The following CNTN1 variants were observed in gnomAD, a reference collection of about 807,000 sequenced individuals.
CNTN1 encodes the protein contactin 1.
CNTN1 carries 38 observed loss-of-function variants against 126.4 expected under a neutral mutation model. The ratio of observed to expected loss-of-function variants is 0.30; its 90% confidence interval spans 0.23 to 0.39. CNTN1 has a LOEUF of 0.39. Ranked by LOEUF, CNTN1 falls within the 10% of genes least tolerant of loss-of-function variation. The probability of loss-of-function intolerance (pLI) is 1.00; values close to 1 mark genes in which losing one functional copy is unlikely to be tolerated. For synonymous variants in CNTN1, 413 were observed against 422.6 expected (o/e 0.98, Z 0.28); for missense variants, 1,009 against 1,248.4 (o/e 0.81, Z 2.89).
chr12:40,961,125 A>G (rs916289963), intron 15 of CNTN1, among the ~76,000 whole-genome samples: 1 of 152,020 alleles, frequency 6.6e-6, no homozygotes, highest in African/African-American at 2.4e-5. Flanking sequence ...GCTATAGCCA[A>G]TATTATGTAG....
In CNTN1 at chr12:40,707,227, C is replaced by CTTTTTTTTTTTTTTTTTTTTTTTT. The variant is rs370984371; in HGVS notation, c.-77+14651_-77+14674dup. Among the ~76,000 whole-genome samples the CTTTTTTTTTTTTTTTTTTTTTTTT allele has an allele frequency of 4.9e-4, 54 of 109,176 alleles. 5 individuals carry two copies. The highest frequency in any genetic ancestry group is 9.6e-4 in the African/African-American group (25 of 26,096). The allele number at this position is 109,176 out of a possible 152,430, so 71.6% of individuals were successfully genotyped here. ...TTCCTCTTTCATTTCTTTTCTTTTT[C>CTTTTTTTTTTTTTTTTTTTTTTTT]TTTTTTTTTTTTTTTTTTTTTTTTT... is the stretch of plus-strand genomic sequence containing the variant. On this transcript the variant is annotated intron_variant, in intron 1 of 23. Coordinates refer to ENST00000551295, the MANE Select transcript of CNTN1 (RefSeq NM_001843.4).
chr12:40,904,480 G>A (rs1229973978), intron 1 of CNTN1, among the ~76,000 whole-genome samples: 1 of 148,350 alleles, frequency 6.7e-6, no homozygotes, highest in African/African-American at 2.5e-5. Context: ...CCAGGCTGGA[G>A]TACAGTGGCA....
At chr12:41,068,503 T>C (rs1039076774) in intron 23 of CNTN1, among the ~76,000 whole-genome samples, 2 of 152,052 alleles carry the variant, frequency 1.3e-5, no homozygotes, top group African/African-American at 2.4e-5. Flanking sequence ...TTCCCTCTTA[T>C]GTTTCCAGGC....
intron 23 of CNTN1, among the ~76,000 whole-genome samples, chr12:41,036,242 CT>C (rs1763256114): frequency 6.6e-6 from 1 of 152,104 alleles, no homozygotes; most frequent in African/African-American, 2.4e-5. Context: ...AATTCTTCCC[CT>C]TCTGCCTTTT....
chr12:40,881,761 C>T (rs987023847), intron 1 of CNTN1, among the ~76,000 whole-genome samples: 2 of 151,616 alleles, frequency 1.3e-5, no homozygotes, highest in African/African-American at 4.8e-5. Flanking sequence ...TTGGGTTTAC[C>T]GTTTTGTCTA....
chr12:40,731,004 C>G (rs1399964565), intron 1 of CNTN1, among the ~76,000 whole-genome samples: 1 of 151,372 alleles, frequency 6.6e-6, no homozygotes, highest in East Asian at 1.9e-4. Context: ...AATAAGTAAA[C>G]TAACAATTAA....
chr12:40,908,064 CAT>C (rs1364753636), intron 1 of CNTN1, among the ~76,000 whole-genome samples: 1 of 152,172 alleles, frequency 6.6e-6, no homozygotes, highest in Non-Finnish European at 1.5e-5. Context: ...AACCTAAACA[CAT>C]GATTGAGTGA....
intron 15 of CNTN1, among the ~76,000 whole-genome samples, chr12:40,962,995 A>T (rs965898391): frequency 6.6e-6 from 1 of 152,156 alleles, no homozygotes; most frequent in East Asian, 1.9e-4. Context: ...GAAGATGAAG[A>T]TAAATAAATA....
chr12:40,929,723 A>G, intron 6 of CNTN1, 73 bp from the exon 7 acceptor site: 1 of 1,106,532 alleles, frequency 9.0e-7, no homozygotes, highest in South Asian at 1.3e-5. Flanking sequence ...ATAGCTTGTT[A>G]CTAGCCTCTA....
chr12:40,809,814 T>TCA (rs3223354), intron 1 of CNTN1, among the ~76,000 whole-genome samples: 5,158 of 146,800 alleles, frequency 0.035, 116 homozygotes, highest in African/African-American at 0.058. Flanking sequence ...AGACTCTGTC[T>TCA]CACACACACA....
At chr12:40,953,830 A>G (rs895140513) in intron 14 of CNTN1, among the ~76,000 whole-genome samples, 2 of 152,136 alleles carry the variant, frequency 1.3e-5, no homozygotes, top group African/African-American at 4.8e-5. Context: ...AAGTGAATGT[A>G]TAAACAGCAC....
At chr12:40,766,073 C>A (rs959378007) in intron 1 of CNTN1, among the ~76,000 whole-genome samples, 3 of 152,016 alleles carry the variant, frequency 2.0e-5, no homozygotes, top group Non-Finnish European at 4.4e-5. Context: ...AAATTGCATT[C>A]CAGGCTGGGC....
intron 1 of CNTN1, among the ~76,000 whole-genome samples, chr12:40,849,415 C>T (rs143526214): frequency 6.6e-6 from 1 of 152,034 alleles, no homozygotes; most frequent in East Asian, 1.9e-4. Context: ...TGACTGACTC[C>T]AAAAGAAGCA....
At chr12:40,820,197 G>A (rs1419764567) in intron 1 of CNTN1, among the ~76,000 whole-genome samples, 1 of 152,164 alleles carries the variant, frequency 6.6e-6, no homozygotes, top group Non-Finnish European at 1.5e-5. Context: ...GGGTGAGGAA[G>A]TACCAGGCTC....
At chr12:40,931,882 A>G (rs1945899054) in intron 7 of CNTN1, among the ~76,000 whole-genome samples, 1 of 151,946 alleles carries the variant, frequency 6.6e-6, no homozygotes, top group Non-Finnish European at 1.5e-5. Context: ...ACATTGATCC[A>G]AGGAGCCGTC....
chr12:40,813,520 G>A (rs997414946), intron 1 of CNTN1, among the ~76,000 whole-genome samples: 4 of 152,058 alleles, frequency 2.6e-5, no homozygotes, highest in Middle Eastern at 3.2e-3. Flanking sequence ...CAAAGGACAC[G>A]ATCTCATTCC....
intron 1 of CNTN1, among the ~76,000 whole-genome samples, chr12:40,733,998 C>T (rs1244751779): frequency 6.6e-6 from 1 of 152,064 alleles, no homozygotes; most frequent in East Asian, 1.9e-4. Flanking sequence ...CTCCTTCTGA[C>T]ATTTCCATTA....
chr12:40,715,088 A>T (rs1450192561), intron 1 of CNTN1, among the ~76,000 whole-genome samples: 1 of 152,164 alleles, frequency 6.6e-6, no homozygotes, highest in Non-Finnish European at 1.5e-5. Flanking sequence ...TTTGTTTTAG[A>T]TTTCCTCTAA....
intron 20 of CNTN1, among the ~76,000 whole-genome samples, chr12:41,022,012 CATT>C (rs1158177672): frequency 6.6e-6 from 1 of 150,752 alleles, no homozygotes; most frequent in Non-Finnish European, 1.5e-5. Flanking sequence ...TAACCCATAT[CATT>C]GAGTCAAAAT....
Sources: allele counts gnomAD v4.1 joint callset (sites outside exome capture counted in the v4.1 genomes callset), GRCh38; gene constraint gnomAD v4.1.1; transcripts MANE v1.5; gene names NCBI Gene and HGNC (gene_info 2026-07-23, HGNC 2026-07-21).